The following ACBD6 variants were observed in gnomAD, a reference collection of about 807,000 sequenced individuals.
The protein encoded by ACBD6 is acyl-CoA binding domain containing 6, also known as acyl-CoA-binding domain-containing protein 6.
Under a neutral mutation model 37.2 loss-of-function variants are expected in ACBD6, and 28 were observed. The observed-to-expected ratio is 0.75, with a 90% CI of 0.56 to 1.03. The LOEUF is 1.03. Among genes scored for constraint, ACBD6 ranks in the 50% least tolerant of loss-of-function variants. The pLI is 0.00. For missense variants in ACBD6, 340 were observed against 337.4 expected (o/e 1.01, Z -0.06); for synonymous variants, 113 against 126.8 (o/e 0.89, Z 0.73).
intron 5 of ACBD6, among the ~76,000 whole-genome samples, chr1:180,408,069 A>G (rs1647698844): frequency 6.6e-6 from 1 of 152,222 alleles, no homozygotes; most frequent in African/African-American, 2.4e-5. Flanking sequence ...ATCAAGTAAG[A>G]GCATTATCAG....
At chr1:180,376,177 C>T (rs1373579294) in intron 6 of ACBD6, among the ~76,000 whole-genome samples, 1 of 152,150 alleles carries the variant, frequency 6.6e-6, no homozygotes, top group Non-Finnish European at 1.5e-5. Flanking sequence ...TGAGAGAGCA[C>T]AATCTATTGA....
intron 6 of ACBD6, 22 bp from the exon 7 acceptor site, chr1:180,314,744 C>A: frequency 6.6e-7 from 1 of 1,515,310 alleles, no homozygotes; most frequent in Non-Finnish European, 9.1e-7. Context: ...ACAAATAATA[C>A]ATTTTAGAAG....
At chr1:180,484,411 G>A (rs369400784) in intron 3 of ACBD6, among the ~76,000 whole-genome samples, 25 of 152,136 alleles carry the variant, frequency 1.6e-4, no homozygotes, top group Admixed American at 2.6e-4. Flanking sequence ...AGTGGTATAG[G>A]TTAGAAATTC....
chr1:180,288,201 A>C, downstream of ACBD6: 1 of 936,282 alleles, frequency 1.1e-6, no homozygotes, highest in East Asian at 2.7e-5. Flanking sequence ...GAATGTATGC[A>C]AGAAGAATGA....
intron 6 of ACBD6, among the ~76,000 whole-genome samples, chr1:180,331,782 C>T (rs1651493013): frequency 1.3e-5 from 2 of 152,276 alleles, no homozygotes; most frequent in South Asian, 2.1e-4. Flanking sequence ...ATTGTCCCAA[C>T]CCCAAGACTT....
At chr1:180,453,318 CAT>C (rs1649788573) in intron 3 of ACBD6, among the ~76,000 whole-genome samples, 2 of 152,188 alleles carry the variant, frequency 1.3e-5, no homozygotes, top group South Asian at 2.1e-4. Flanking sequence ...ACAAAAACCA[CAT>C]GATTATCTCA....
intron 6 of ACBD6, among the ~76,000 whole-genome samples, chr1:180,387,802 C>T (rs983231381): frequency 7.9e-5 from 12 of 152,140 alleles, no homozygotes; most frequent in African/African-American, 2.9e-4. Flanking sequence ...AGATAACAGG[C>T]TTTTCTTATC....
downstream of ACBD6, among the ~76,000 whole-genome samples, chr1:180,284,669 C>T (rs906202038): frequency 7.2e-5 from 11 of 151,876 alleles, no homozygotes; most frequent in African/African-American, 2.4e-4. Flanking sequence ...CGAGCCTGGC[C>T]GATATTAAGG....
intron 3 of ACBD6, among the ~76,000 whole-genome samples, chr1:180,474,553 T>A (rs1650708492): frequency 6.6e-6 from 1 of 152,186 alleles, no homozygotes; most frequent in African/African-American, 2.4e-5. Flanking sequence ...TTTTGGACAT[T>A]CTGGCTATGG....
At chr1:180,411,821 C>A (rs1247788667) in intron 5 of ACBD6, among the ~76,000 whole-genome samples, 1 of 152,124 alleles carries the variant, frequency 6.6e-6, no homozygotes, top group Non-Finnish European at 1.5e-5. Flanking sequence ...GCACCCACCA[C>A]CACGCCTGGC....
intron 4 of ACBD6, among the ~76,000 whole-genome samples, chr1:180,427,987 A>G (rs1234375520): frequency 6.6e-6 from 1 of 152,034 alleles, no homozygotes; most frequent in Non-Finnish European, 1.5e-5. Context: ...GTTATAATGG[A>G]ATTCTACACT....
chr1:180,378,782 C>A (rs1653534256), intron 6 of ACBD6, among the ~76,000 whole-genome samples: 2 of 152,080 alleles, frequency 1.3e-5, no homozygotes. Context: ...GATGGCACCC[C>A]CCAGCATGTG....
chr1:180,380,563 A>T (rs1428405743), intron 6 of ACBD6, among the ~76,000 whole-genome samples: 1 of 152,172 alleles, frequency 6.6e-6, no homozygotes, highest in Non-Finnish European at 1.5e-5. Flanking sequence ...CCTACAAGAC[A>T]TGCTTAAGGG....
At chr1:180,361,361 G>A (rs1652845471) in intron 6 of ACBD6, among the ~76,000 whole-genome samples, 1 of 149,994 alleles carries the variant, frequency 6.7e-6, no homozygotes, top group Admixed American at 6.7e-5. Flanking sequence ...TTAAAGAGCA[G>A]AGAACTAGAC....
intron 5 of ACBD6, among the ~76,000 whole-genome samples, chr1:180,407,528 T>C (rs964589514): frequency 1.3e-5 from 2 of 152,208 alleles, no homozygotes; most frequent in Non-Finnish European, 2.9e-5. Flanking sequence ...GGATTTGACT[T>C]CCAGTAATAT....
chr1:180,485,439 AATT>A (rs1165889521), intron 3 of ACBD6, among the ~76,000 whole-genome samples: 1 of 152,236 alleles, frequency 6.6e-6, no homozygotes, highest in African/African-American at 2.4e-5. Flanking sequence ...CCCTAAATTC[AATT>A]ACTAGTGTCT....
intron 3 of ACBD6, among the ~76,000 whole-genome samples, chr1:180,477,010 C>G (rs753956585): frequency 6.6e-6 from 1 of 152,028 alleles, no homozygotes; most frequent in African/African-American, 2.4e-5. Flanking sequence ...CATTATACCC[C>G]CTTATCCATG....
intron 5 of ACBD6, among the ~76,000 whole-genome samples, chr1:180,398,860 T>C (rs1211375069): frequency 1.3e-5 from 2 of 151,592 alleles, no homozygotes; most frequent in African/African-American, 4.9e-5. Flanking sequence ...CCCTACTTTA[T>C]GTGATTTTAG....
chr1:180,354,085 T>C (rs1206140303), intron 6 of ACBD6, among the ~76,000 whole-genome samples: 1 of 152,330 alleles, frequency 6.6e-6, no homozygotes, highest in African/African-American at 2.4e-5. Context: ...ATTTGAAAAT[T>C]CCACCTGACA....
Sources: gnomAD v4.1 joint callset for allele counts (sites outside exome capture counted in the v4.1 genomes callset) on GRCh38, gnomAD v4.1.1 for gene constraint, MANE v1.5 for transcripts, NCBI Gene and HGNC (gene_info 2026-07-23, HGNC 2026-07-21) for gene names.